The following RALGAPA1 variants were observed in gnomAD, a reference collection of about 807,000 sequenced individuals.
The protein encoded by RALGAPA1 is Ral GTPase activating protein catalytic subunit alpha 1.
Under a neutral mutation model 269.6 loss-of-function variants are expected in RALGAPA1, and 52 were observed. That is an observed-to-expected ratio of 0.19 (90% CI 0.15 to 0.24). The LOEUF (loss-of-function observed/expected upper bound fraction) is 0.24, where lower values mean the gene tolerates loss of function less well. Among genes scored for constraint, RALGAPA1 ranks in the 10% least tolerant of loss-of-function variants. The pLI is 1.00. For missense variants in RALGAPA1, 1,917 were observed against 3,013.9 expected (o/e 0.64, Z 8.52); for synonymous variants, 817 against 1,008.3 (o/e 0.81, Z 3.60).
chr14:35,631,628 T>C (rs941356759), intron 33 of RALGAPA1, among the ~76,000 whole-genome samples: 1 of 152,078 alleles, frequency 6.6e-6, no homozygotes, highest in African/African-American at 2.4e-5. Flanking sequence ...AGAGTATAAT[T>C]GAAAAGAAAC....
intron 16 of RALGAPA1, among the ~76,000 whole-genome samples, chr14:35,718,155 T>C (rs1159040726): frequency 6.6e-6 from 1 of 152,192 alleles, no homozygotes; most frequent in African/African-American, 2.4e-5. Context: ...ATACCTTTAC[T>C]AACTCCTGAC....
intron 31 of RALGAPA1, among the ~76,000 whole-genome samples, chr14:35,636,622 G>C (rs920888994): frequency 1.3e-5 from 2 of 152,184 alleles, no homozygotes; most frequent in African/African-American, 4.8e-5. Flanking sequence ...CTGGGTTCAA[G>C]TGATTCTTGC....
chr14:35,614,066 A>G (rs2060109232), intron 35 of RALGAPA1, among the ~76,000 whole-genome samples: 3 of 152,248 alleles, frequency 2.0e-5, no homozygotes, highest in Admixed American at 2.0e-4. Flanking sequence ...ATAATAAAAA[A>G]GAATGACAAT....
rs2060077478 is a variant in RALGAPA1 at position 35,613,480 on chromosome 14, T to C, written c.6930-7771A>G. On this transcript the variant is annotated intron_variant, in intron 35 of 41. Transcript: ENST00000680220. ...ACTAGGTTGCTTTCAACAAAAAATA[T>C]TTATTCTCTCACAGTGCTGTATGCT... 1.3e-5 allele frequency among the ~76,000 whole-genome samples: 2 copies of C among 152,224 alleles called. 1 individual carries two copies. The highest frequency in any genetic ancestry group is 3.8e-4 in the East Asian group (2 of 5,198).
intron 36 of RALGAPA1, among the ~76,000 whole-genome samples, chr14:35,605,111 T>G (rs1487002589): frequency 3.3e-5 from 5 of 152,102 alleles, no homozygotes; most frequent in Admixed American, 3.3e-4. Context: ...TCTGGGACAA[T>G]GTAGGATTTG....
At chr14:35,602,847 T>C (rs2059374105) in intron 36 of RALGAPA1, among the ~76,000 whole-genome samples, 1 of 152,354 alleles carries the variant, frequency 6.6e-6, no homozygotes, top group African/African-American at 2.4e-5. Flanking sequence ...TTTATTCCTA[T>C]ATTTTCTTCT....
Position 35,672,902 on chromosome 14 carries a change from T to C in RALGAPA1, c.5038A>G (p.Asn1680Asp). The change falls in exon 25 of 42, where the codon AAT (asparagine) becomes GAT (aspartate). Residue 1680 changes from asparagine (N) to aspartate (D), a missense_variant. Transcript: ENST00000680220. ...TGAAGTAATCCACAATGCATTATATTGTAGAAATGTGTTAGAAAATCTCTA... is the reference window on the plus strand; with the variant it reads ...TGAAGTAATCCACAATGCATTATATCGTAGAAATGTGTTAGAAAATCTCTA... ...PNRDFLTHFY[N>D]IMHCGLLHID... is the part of the protein sequence containing the mutation. 4.5e-6 allele frequency: 7 copies of C among 1,565,186 alleles called. No individual in the cohort carries two copies. The highest frequency in any genetic ancestry group is 6.1e-6 in the Non-Finnish European group (7 of 1,156,058).
chr14:35,773,352 A>T (rs1439771499), intron 3 of RALGAPA1, among the ~76,000 whole-genome samples: 1 of 152,140 alleles, frequency 6.6e-6, no homozygotes, highest in Non-Finnish European at 1.5e-5. Flanking sequence ...CTATAAGTAG[A>T]ACGTCAGCAC....
chr14:35,727,221 A>G (rs1269950654), intron 13 of RALGAPA1, among the ~76,000 whole-genome samples: 2 of 150,438 alleles, frequency 1.3e-5, no homozygotes, highest in East Asian at 3.9e-4. Context: ...TAAAATACAT[A>G]TAAGAATGTT....
chr14:35,633,329 G>C (rs2061473840), intron 33 of RALGAPA1, among the ~76,000 whole-genome samples: 1 of 151,928 alleles, frequency 6.6e-6, no homozygotes, highest in African/African-American at 2.4e-5. Context: ...ATTTTAAATT[G>C]CTTATATAAA....
chr14:35,635,643 T>C lies in RALGAPA1; in HGVS notation c.5677-45A>G. ...ATTATAATTGTACATTCATAAAATA[T>C]ATGCTTCTTAAAAATTCATTTTCTT... is the stretch of plus-strand genomic sequence containing the variant. On this transcript the variant is annotated intron_variant, in intron 31 of 41. Coordinates refer to ENST00000680220, the MANE Select transcript of RALGAPA1 (RefSeq NM_001346249.2). 2 of 1,439,160 alleles carry C rather than the reference T, an allele frequency of 1.4e-6. 1 individual carries two copies. Among genetic ancestry groups the C allele is most frequent in the South Asian group, 3.2e-5 (2 of 62,320 alleles). 89.1% of individuals were successfully genotyped at this position (1,439,160 alleles called of 1,614,324 possible).
chr14:35,749,845 CAT>C (rs1009142355), intron 9 of RALGAPA1, among the ~76,000 whole-genome samples: 3 of 151,594 alleles, frequency 2.0e-5, no homozygotes, highest in African/African-American at 7.3e-5. Context: ...AAAAAACACA[CAT>C]AGTTTAAGAT....
intron 15 of RALGAPA1, 97 bp downstream of exon 15, chr14:35,722,930 C>T: frequency 1.6e-6 from 1 of 611,718 alleles, no homozygotes; most frequent in Non-Finnish European, 2.9e-6. Context: ...ATTTAAGATT[C>T]TACTTATTTC....
intron 39 of RALGAPA1, among the ~76,000 whole-genome samples, chr14:35,568,474 G>T (rs1026856692): frequency 6.6e-6 from 1 of 152,126 alleles, no homozygotes; most frequent in Non-Finnish European, 1.5e-5. Context: ...GAATTTGTCA[G>T]TAAGCATCTT....
intron 36 of RALGAPA1, among the ~76,000 whole-genome samples, chr14:35,604,551 A>G (rs1013228105): frequency 1.3e-5 from 2 of 151,958 alleles, no homozygotes; most frequent in African/African-American, 4.8e-5. Flanking sequence ...AAAATCACTG[A>G]GATGAAAATG....
chr14:35,775,819 T>C, intron 1 of RALGAPA1, 74 bp from the exon 2 acceptor site: 1 of 1,361,284 alleles, frequency 7.3e-7, no homozygotes, highest in Non-Finnish European at 9.6e-7. Context: ...CAGCGACAAG[T>C]TTCCTTCAAA....
chr14:35,605,953 AT>A (rs1268649222), intron 35 of RALGAPA1, among the ~76,000 whole-genome samples: 31 of 152,224 alleles, frequency 2.0e-4, no homozygotes, highest in African/African-American at 7.2e-4. Flanking sequence ...AGAAGATAAA[AT>A]TGAGTTAGAT....
intron 34 of RALGAPA1, among the ~76,000 whole-genome samples, chr14:35,626,558 G>A (rs1207627605): frequency 3.3e-5 from 5 of 152,036 alleles, no homozygotes; most frequent in Non-Finnish European, 5.9e-5. Flanking sequence ...TGTAGCCTGA[G>A]GCTCAAAAGT....
chr14:35,582,292 C>CA (rs1294702339), intron 37 of RALGAPA1, among the ~76,000 whole-genome samples: 1 of 151,962 alleles, frequency 6.6e-6, no homozygotes, highest in Admixed American at 6.6e-5. Flanking sequence ...GGAACAAAAA[C>CA]AAAAAACAAA....
Sources: gnomAD v4.1 joint callset for allele counts (sites outside exome capture counted in the v4.1 genomes callset) on GRCh38, gnomAD v4.1.1 for gene constraint, MANE v1.5 for transcripts, NCBI Gene and HGNC (gene_info 2026-07-23, HGNC 2026-07-21) for gene names.